Variants in NME9 observed in about 807,000 individuals in gnomAD.
NME9 encodes the protein NME/NM23 family member 9.
In NME9, 48 loss-of-function variants were observed where a neutral mutation model predicts 44.4. The ratio of observed to expected loss-of-function variants is 1.08; its 90% CI spans 0.86 to 1.37. The LOEUF is 1.37. Among genes scored for constraint, NME9 ranks in the 40% most tolerant of loss-of-function variants. The pLI is 0.00. For synonymous variants in NME9, 139 were observed against 147.1 expected (o/e 0.94, Z 0.40); for missense variants, 325 against 405.2 (o/e 0.80, Z 1.70).
downstream of NME9, among the ~76,000 whole-genome samples, chr3:138,300,047 C>T (rs1179767054): frequency 6.6e-6 from 1 of 152,146 alleles, no homozygotes; most frequent in African/African-American, 2.4e-5. Context: ...GAGCCCACTC[C>T]CAAAGGGAAG....
Position 138,301,475 on chromosome 3 carries a change from G to C in NME9, c.*165C>G. ...CTGCCTCGGCCTCCCAAAGTGCTGG[G>C]ATTACAGGTGTGAGTCACTGCGCCC... On this transcript the variant is annotated 3_prime_UTR_variant, in exon 11 of 11. Coordinates refer to ENST00000333911, the MANE Select transcript of NME9 (RefSeq NM_001349018.2). The C allele has an allele frequency of 7.3e-7, 1 of 1,377,514 alleles. No individual in the cohort carries two copies. The highest frequency in any genetic ancestry group is 9.5e-7 in the Non-Finnish European group (1 of 1,053,926). 85.3% of individuals were successfully genotyped at this position (1,377,514 alleles called of 1,614,324 possible). A position where few individuals can be genotyped will look rare whatever the true frequency, so the allele number is the denominator to read the frequency against.
intron 8 of NME9, 27 bp from the exon 9 acceptor site, chr3:138,305,054 C>T: frequency 6.2e-7 from 1 of 1,610,214 alleles, no homozygotes; most frequent in Non-Finnish European, 8.5e-7. Flanking sequence ...AAAACAGTGA[C>T]CAGGGCAGGA....
chr3:138,295,740 C>A, intron 8 of NME9: 2 of 1,153,356 alleles, frequency 1.7e-6, no homozygotes, highest in East Asian at 2.5e-5. Flanking sequence ...TGGGCTCACC[C>A]CAATTCCCTC....
chr3:138,305,107 C>T (rs1013616533), intron 8 of NME9, 80 bp from the exon 9 acceptor site: 13 of 1,341,368 alleles, frequency 9.7e-6, no homozygotes, highest in East Asian at 2.3e-5. Flanking sequence ...ATCTCACCCA[C>T]GGAATGGGAG....
At chr3:138,282,784 A>C (rs954714372) in intron 8 of NME9, among the ~76,000 whole-genome samples, 1 of 151,834 alleles carries the variant, frequency 6.6e-6, no homozygotes, top group Non-Finnish European at 1.5e-5. Flanking sequence ...TTGACTGTCA[A>C]CTCTTCCCCA....
intron 8 of NME9, among the ~76,000 whole-genome samples, chr3:138,277,784 C>A (rs911617370): frequency 3.9e-5 from 6 of 152,130 alleles, no homozygotes; most frequent in African/African-American, 1.4e-4. Context: ...CCATTCCTAG[C>A]CGTTTACTCA....
downstream of NME9, chr3:138,296,220 G>T (rs1022180537): frequency 4.0e-6 from 1 of 250,794 alleles, no homozygotes; most frequent in African/African-American, 2.3e-5. Flanking sequence ...GAATATGTCT[G>T]TGTGAACACA....
At chr3:138,317,948 G>A (rs889779290) in intron 4 of NME9, among the ~76,000 whole-genome samples, 200 bp downstream of exon 4, 5 of 152,126 alleles carry the variant, frequency 3.3e-5, no homozygotes, top group Admixed American at 3.3e-4. Context: ...AGACTTGGGG[G>A]TGGGGGTGTC....
chr3:138,262,407 G>A lies in NME9; in HGVS notation c.*133C>T, dbSNP rs183944756. ...ATCTACAGCTAAAATGTGGTTCCCT[G>A]TTCTTAATAGATGATATTTTCCCTG... On this transcript the variant is annotated 3_prime_UTR_variant, in exon 9 of 9. Coordinates refer to the NME9 transcript ENST00000317876. 2.3e-5 allele frequency: 25 copies of A among 1,073,102 alleles called. No homozygotes were observed. In the African/African-American group the frequency reaches 3.8e-4, roughly 16 times the overall value. 66.5% of individuals were successfully genotyped at this position (1,073,102 alleles called of 1,614,324 possible). A position where few individuals can be genotyped will look rare whatever the true frequency, so the allele number is the denominator to read the frequency against.
chr3:138,294,315 G>A (rs1577078009), intron 8 of NME9, among the ~76,000 whole-genome samples: 1 of 152,322 alleles, frequency 6.6e-6, no homozygotes, highest in East Asian at 1.9e-4. Flanking sequence ...GAGGGCTTCA[G>A]GGTTGCAGGG....
At position 138,303,527 on chromosome 3, in the gene NME9, T is replaced by C. The variant is rs1577116265; in HGVS notation, c.908A>G (p.Lys303Arg). 1 of 1,613,764 alleles carries C rather than the reference T, an allele frequency of 6.2e-7. No homozygotes were observed. The highest frequency in any genetic ancestry group is 1.3e-5 in the African/African-American group (1 of 75,046). Residue 303 changes from lysine (K) to arginine (R), a missense_variant, in exon 10 of 11, where the codon AAA becomes AGA. Transcript: ENST00000333911. ...CTTACCCTGAGGGGCTTCTGTATCTTTGTCTGAAAATTTCAAACTGGGGAA... is the reference window on the plus strand; with the variant it reads ...CTTACCCTGAGGGGCTTCTGTATCTCTGTCTGAAAATTTCAAACTGGGGAA... ...LLFPSLKFSD[K>R]DTEAPQGGEA... is the part of the protein sequence containing the mutation.
chr3:138,327,920 T>C (rs1404542639), intron 1 of NME9, among the ~76,000 whole-genome samples: 1 of 152,056 alleles, frequency 6.6e-6, no homozygotes, highest in African/African-American at 2.4e-5. Context: ...GACCATAATA[T>C]GGGGCAATAA....
At chr3:138,267,571 G>T (rs910518520) in intron 8 of NME9, among the ~76,000 whole-genome samples, 1 of 151,988 alleles carries the variant, frequency 6.6e-6, no homozygotes, top group African/African-American at 2.4e-5. Context: ...CTTTACTAAA[G>T]AATAAATTAA....
In NME9 at chr3:138,308,710, T is replaced by C. The variant is rs368957353; in HGVS notation, c.461-2230A>G. Among the ~76,000 whole-genome samples, 5 of 152,156 alleles carry C rather than the reference T, an allele frequency of 3.3e-5. No individual in the cohort carries two copies. The South Asian group carries it at 8.3e-4, about 25-fold the overall frequency. ...TGCAGCTTTTTTGATGCCTGGTAAT[T>C]GCGATGAAAGTCACACGTGTTATAT... On this transcript the variant is annotated intron_variant, in intron 6 of 10. Coordinates refer to ENST00000333911, the MANE Select transcript of NME9 (RefSeq NM_001349018.2).
intron 8 of NME9, among the ~76,000 whole-genome samples, chr3:138,282,635 CAAAAAAA>C (rs760470914): frequency 2.1e-5 from 1 of 47,528 alleles, no homozygotes; most frequent in Non-Finnish European, 4.7e-5. Flanking sequence ...GACTCCATCT[CAAAAAAA>C]AAAAAAAAAA....
intron 5 of NME9, 34 bp from the exon 6 acceptor site, chr3:138,314,441 A>C: frequency 7.3e-7 from 1 of 1,364,802 alleles, no homozygotes; most frequent in South Asian, 1.2e-5. Flanking sequence ...GAAAGTAGTT[A>C]GCTAATTAAC....
chr3:138,318,445 C>CG (rs1237505407), intron 3 of NME9, among the ~76,000 whole-genome samples: 5 of 151,640 alleles, frequency 3.3e-5, no homozygotes, highest in African/African-American at 1.2e-4. Flanking sequence ...TCCTACCCGC[C>CG]CCCCAGCTAC....
intron 8 of NME9, among the ~76,000 whole-genome samples, chr3:138,281,627 A>T (rs890865284): frequency 3.9e-5 from 6 of 152,132 alleles, no homozygotes; most frequent in African/African-American, 1.4e-4. Context: ...TTGTCTCCAT[A>T]GGAATATTTA....
exon 9 of NME9, chr3:138,262,459 C>T: frequency 6.8e-7 from 1 of 1,480,478 alleles, no homozygotes; most frequent in South Asian, 1.2e-5. Context: ...ACAATATTTT[C>T]TTCTCTTCTT....
Sources: allele counts gnomAD v4.1 joint callset (sites outside exome capture counted in the v4.1 genomes callset), GRCh38; gene constraint gnomAD v4.1.1; transcripts MANE v1.5; gene names NCBI Gene and HGNC (gene_info 2026-07-23, HGNC 2026-07-21).